HERC2: variants seen among roughly 807,000 people sequenced by gnomAD.
HERC2 encodes the protein E3 ubiquitin-protein ligase HERC2.
A neutral mutation model predicts 537.7 loss-of-function variants in HERC2; 102 were observed. The observed-to-expected ratio is 0.19, with a 90% confidence interval of 0.16 to 0.22. The LOEUF is 0.22. Among genes scored for constraint, HERC2 ranks in the 10% least tolerant of loss-of-function variants. The probability of loss-of-function intolerance (pLI) is 1.00; values close to 1 mark genes in which losing one functional copy is unlikely to be tolerated. For synonymous variants in HERC2, 2,224 were observed against 2,466.2 expected (o/e 0.90, Z 2.91); for missense variants, 4,236 against 6,198.2 (o/e 0.68, Z 10.63).
chr15:28,168,876 G>C (rs1894417190), intron 66 of HERC2, among the ~76,000 whole-genome samples: 1 of 152,222 alleles, frequency 6.6e-6, no homozygotes, highest in African/African-American at 2.4e-5. Flanking sequence ...CCCTGAGAAA[G>C]AAATCCTCTT....
At position 28,196,571 on chromosome 15, in the gene HERC2, T is replaced by C. The variant is rs2428638; in HGVS notation, c.8012-2A>G. 1 of 1,588,808 alleles carries C rather than the reference T, an allele frequency of 6.3e-7. No individual in the cohort carries two copies. The highest frequency in any genetic ancestry group is 8.6e-7 in the Non-Finnish European group (1 of 1,157,318). On this transcript the variant is annotated splice_acceptor_variant, in intron 50 of 92. Transcript: ENST00000261609. LOFTEE classifies it high-confidence loss of function. ...TATCTTTTCCATTGGCACTGAAAGC[T>C]AGGACAGAACAGAAATCACCTGATC...
Position 28,169,528 on chromosome 15 carries a change from C to T in HERC2, c.10185G>A (p.Gln3395=). Residue 3395 remains glutamine (Q), a synonymous_variant, in exon 66 of 93, where the codon CAG becomes CAA. Coordinates refer to ENST00000261609, the MANE Select transcript of HERC2 (RefSeq NM_004667.6). The part of the protein sequence containing the change: ...LSLDGNLAKQ[Q]ALSHILTALQ... ...ATGCTGTAAGAATATGTGATAAGGC[C>T]TGCTGTTTGGCCAGATTTCCATCCA... The T allele has an allele frequency of 6.2e-7, 1 of 1,612,110 alleles. No individual in the cohort carries two copies. The highest frequency in any genetic ancestry group is 1.3e-5 in the African/African-American group (1 of 74,998).
intron 3 of HERC2, among the ~76,000 whole-genome samples, chr15:28,295,660 A>T (rs1313492152): frequency 2.0e-5 from 3 of 152,122 alleles, no homozygotes; most frequent in Non-Finnish European, 4.4e-5. Flanking sequence ...GGCCTCCAAA[A>T]GTGCTGGGAT....
chr15:28,148,744 T>TA (rs1892044135), intron 70 of HERC2, among the ~76,000 whole-genome samples: 1 of 149,214 alleles, frequency 6.7e-6, no homozygotes, highest in Non-Finnish European at 1.5e-5. Context: ...CGCATTCTAG[T>TA]AAAACTACCG....
intron 69 of HERC2, among the ~76,000 whole-genome samples, chr15:28,162,839 C>T (rs1398539643): frequency 6.6e-6 from 1 of 152,144 alleles, no homozygotes; most frequent in African/African-American, 2.4e-5. Flanking sequence ...TGCAGTGAGT[C>T]GAGATGGCGC....
At chr15:28,115,366 G>T in intron 89 of HERC2, 63 bp downstream of exon 89, 1 of 1,097,144 alleles carries the variant, frequency 9.1e-7, no homozygotes, top group Non-Finnish European at 1.3e-6. Context: ...GACCGGACCC[G>T]CAGAACAGAC....
chr15:28,304,464 T>C (rs1317617949), intron 2 of HERC2, among the ~76,000 whole-genome samples: 1 of 151,006 alleles, frequency 6.6e-6, no homozygotes, highest in East Asian at 1.9e-4. Context: ...ACCTCCGGGG[T>C]TCAAGTGATT....
In HERC2 at chr15:28,314,749, T is replaced by A. The variant is rs184402941; in HGVS notation, c.72+6613A>T. Among the ~76,000 whole-genome samples, 123 of 151,840 alleles carry A rather than the reference T, an allele frequency of 8.1e-4. No individual in the cohort carries two copies. The East Asian group carries it at 0.017, about 21-fold the overall frequency. Reference sequence around the variant, plus strand: ...GATGGTACACGCCTGTAATCCCAGCTACTCCGGAGTCTGAGGCAGGAGAAT... The same window carrying A: ...GATGGTACACGCCTGTAATCCCAGCAACTCCGGAGTCTGAGGCAGGAGAAT... On this transcript the variant is annotated intron_variant, in intron 2 of 92. Coordinates refer to ENST00000261609, the MANE Select transcript of HERC2 (RefSeq NM_004667.6).
chr15:28,171,372 A>G (rs921670389), intron 65 of HERC2, among the ~76,000 whole-genome samples: 2 of 152,218 alleles, frequency 1.3e-5, no homozygotes, highest in African/African-American at 4.8e-5. Flanking sequence ...GTGACATGAA[A>G]AGAGCTATAC....
In HERC2 at chr15:28,213,770, C is replaced by T. The variant is rs1190246307; in HGVS notation, c.6758G>A (p.Arg2253His). 6 of 1,613,982 alleles carry T rather than the reference C, an allele frequency of 3.7e-6. No homozygotes were observed. The highest frequency in any genetic ancestry group is 1.7e-4 in the Middle Eastern group (1 of 6,046). Reference sequence around the variant, plus strand: ...TTTCAGCTGATTCAATGGGCAAACGCGACACGTCCGCATGTCAGAGAACTG... The same window carrying T: ...TTTCAGCTGATTCAATGGGCAAACGTGACACGTCCGCATGTCAGAGAACTG... ...TVQFSDMRTCRVCPLNQLKPL... is the reference protein window; with the variant it reads ...TVQFSDMRTCHVCPLNQLKPL... Residue 2253 changes from arginine (R) to histidine (H), a missense_variant, in exon 42 of 93, where the codon CGC becomes CAC. This residue lies in a region of HERC2 where 67 missense variants were observed against 140.1 expected (regional missense o/e 0.48). Coordinates refer to ENST00000261609, the MANE Select transcript of HERC2 (RefSeq NM_004667.6).
Position 28,141,842 on chromosome 15 carries a change from G to A in HERC2, c.11705C>T (p.Ala3902Val), listed in dbSNP as rs375431949. Residue 3902 changes from alanine to valine, a missense_variant, in exon 77 of 93, where the codon GCT becomes GTT. By Grantham distance (64) the Ala-to-Val change is moderately conservative. Coordinates refer to ENST00000261609, the MANE Select transcript of HERC2 (RefSeq NM_004667.6). ...TGCCATTAATTCACGAATTTTCTTAGCCACCTAAACAAAATTATTATGATG... is the reference window on the plus strand; with the variant it reads ...TGCCATTAATTCACGAATTTTCTTAACCACCTAAACAAAATTATTATGATG... ...PLPRLFLDEVAKKIRELMADS... is the reference protein window; with the variant it reads ...PLPRLFLDEVVKKIRELMADS... 1 of 1,610,206 alleles carries A rather than the reference G, an allele frequency of 6.2e-7. No individual in the cohort carries two copies. Among genetic ancestry groups the A allele is most frequent in the African/African-American group, 1.3e-5 (1 of 74,786 alleles).
chr15:28,287,225 C>T (rs561098025), intron 4 of HERC2, among the ~76,000 whole-genome samples: 52 of 151,622 alleles, frequency 3.4e-4, no homozygotes, highest in African/African-American at 1.1e-3. Context: ...GATGGAAGAG[C>T]AAAAAAACAG....
rs1892063019 is a variant in HERC2, at chr15:28,148,881, A to C, written c.10901-2537T>G. On this transcript the variant is annotated intron_variant, in intron 70 of 92. Transcript: ENST00000261609. ...AGAACATCACTGAGAACGGCCACAC[A>C]AACGTATATTCTAGTAAAATTACTG... Among the ~76,000 whole-genome samples the C allele has an allele frequency of 2.0e-5, 3 of 151,454 alleles. No individual in the cohort carries two copies. The South Asian group carries it at 6.3e-4, about 32-fold the overall frequency.
intron 79 of HERC2, among the ~76,000 whole-genome samples, chr15:28,134,915 T>C (rs887552016): frequency 6.6e-6 from 1 of 152,052 alleles, no homozygotes; most frequent in African/African-American, 2.4e-5. Context: ...TCAAGCAATC[T>C]GCCCACCTCA....
chr15:28,200,134 C>T (rs1012421155), intron 48 of HERC2, among the ~76,000 whole-genome samples: 6 of 152,090 alleles, frequency 3.9e-5, no homozygotes, highest in East Asian at 1.9e-4. Flanking sequence ...TGGTGGCTCA[C>T]GCCTATAATC....
At chr15:28,310,164 A>G (rs2141267976) in intron 2 of HERC2, among the ~76,000 whole-genome samples, 1 of 152,340 alleles carries the variant, frequency 6.6e-6, no homozygotes, top group East Asian at 1.9e-4. Flanking sequence ...ATTAGCCAGA[A>G]AGCTGAGCAT....
intron 10 of HERC2, among the ~76,000 whole-genome samples, chr15:28,270,012 A>G (rs975447850): frequency 1.3e-5 from 2 of 152,220 alleles, no homozygotes; most frequent in African/African-American, 4.8e-5. Flanking sequence ...CCCAGGCTGC[A>G]GTGCAATGGC....
intron 56 of HERC2, among the ~76,000 whole-genome samples, chr15:28,182,944 G>A (rs1285582560): frequency 6.6e-6 from 1 of 152,170 alleles, no homozygotes; most frequent in Non-Finnish European, 1.5e-5. Context: ...CCCAAATCTA[G>A]ACAGCTGTTT....
At position 28,230,466 on chromosome 15, in the gene HERC2, T is replaced by G; in HGVS notation, c.4710A>C (p.Glu1570Asp). The stretch of plus-strand genomic sequence containing the variant: ...AATCACTCTCTTCGTTTCCAATTTT[T>G]TCTTCATCATCCGTAGATTCTGGCT... Reference protein sequence around the residue: ...PKKPESTDDEEKIGNEESDLE... With the variant: ...PKKPESTDDEDKIGNEESDLE... The change falls in exon 31 of 93, where the codon GAA (glutamate) becomes GAC (aspartate). Residue 1570 changes from glutamate to aspartate, a missense_variant. By Grantham distance (45) the Glu-to-Asp change is conservative (BLOSUM62 2). Transcript: ENST00000261609. 7.2e-7 allele frequency: 1 copy of G among 1,383,424 alleles called. No individual in the cohort carries two copies. The highest frequency in any genetic ancestry group is 1.0e-6 in the Non-Finnish European group (1 of 987,424). The allele number at this position is 1,383,424 out of a possible 1,614,324, so 85.7% of individuals were successfully genotyped here. A position where few individuals can be genotyped will look rare whatever the true frequency, so the allele number is the denominator to read the frequency against.
Sources: allele counts gnomAD v4.1 joint callset (sites outside exome capture counted in the v4.1 genomes callset), GRCh38; gene constraint gnomAD v4.1.1; regional missense constraint gnomAD v4.1.1; transcripts MANE v1.5; gene names NCBI Gene and HGNC (gene_info 2026-07-23, HGNC 2026-07-21).